MYT1L: variants seen among roughly 807,000 people sequenced by gnomAD.
The protein encoded by MYT1L is myelin transcription factor 1 like, also known as myelin transcription factor 1-like protein.
A neutral mutation model predicts 126.7 loss-of-function variants in MYT1L; 12 were observed. That is an observed-to-expected ratio of 0.09 (90% CI 0.06 to 0.15). MYT1L has a LOEUF of 0.15. Among genes scored for constraint, MYT1L ranks in the 10% least tolerant of loss-of-function variants. The pLI, the probability that MYT1L is intolerant of heterozygous loss-of-function variation, is 1.00. For missense variants in MYT1L, 979 were observed against 1,585.2 expected (o/e 0.62, Z 6.49); for synonymous variants, 541 against 604.2 (o/e 0.90, Z 1.53).
chr2:2,041,592 T>C (rs1054180185), intron 4 of MYT1L, among the ~76,000 whole-genome samples: 1 of 152,014 alleles, frequency 6.6e-6, no homozygotes, highest in African/African-American at 2.4e-5. Flanking sequence ...GGGCAGAGAG[T>C]GTTTGGAGGT....
intron 8 of MYT1L, among the ~76,000 whole-genome samples, chr2:1,956,574 T>TTCTTTCTTTCTTTCTATCTATCTA (rs1369480046): frequency 9.9e-6 from 1 of 101,518 alleles, no homozygotes; most frequent in Non-Finnish European, 1.9e-5. Context: ...ATATTTCCTA[T>TTCTTTCTTTCTTTCTATCTATCTA]TCTATCTATC....
chr2:2,181,880 T>C (rs1466378590), intron 2 of MYT1L, among the ~76,000 whole-genome samples: 1 of 152,158 alleles, frequency 6.6e-6, no homozygotes, highest in Non-Finnish European at 1.5e-5. Context: ...ACCCTGAGAA[T>C]AGGCAACCGA....
intron 3 of MYT1L, among the ~76,000 whole-genome samples, chr2:2,077,812 C>T (rs757493040): frequency 6.6e-6 from 1 of 152,118 alleles, no homozygotes; most frequent in Non-Finnish European, 1.5e-5. Context: ...TTTAGAAATA[C>T]TAAAGGGAGC....
At chr2:2,071,002 G>C (rs2074531418) in intron 3 of MYT1L, among the ~76,000 whole-genome samples, 1 of 152,188 alleles carries the variant, frequency 6.6e-6, no homozygotes, top group African/African-American at 2.4e-5. Context: ...TATCCTAGTA[G>C]CTGTGTTAAT....
intron 2 of MYT1L, among the ~76,000 whole-genome samples, chr2:2,193,949 T>G (rs1261123812): frequency 6.7e-6 from 1 of 150,326 alleles, no homozygotes; most frequent in Non-Finnish European, 1.5e-5. Context: ...TAAAATTATT[T>G]TTAATAAAAA....
At chr2:2,135,617 C>T (rs573482782) in intron 3 of MYT1L, among the ~76,000 whole-genome samples, 1 of 152,106 alleles carries the variant, frequency 6.6e-6, no homozygotes, top group African/African-American at 2.4e-5. Context: ...TATACATGAA[C>T]GAATGAACAA....
intron 1 of MYT1L, chr2:2,325,745 T>C (rs1181928031): frequency 1.3e-5 from 2 of 152,294 alleles, no homozygotes; most frequent in African/African-American, 4.8e-5. Flanking sequence ...CACAGACTCA[T>C]GTTTAACAAC....
chr2:1,793,120 G>A lies in MYT1L; in HGVS notation c.3277-656C>T, dbSNP rs2032557322. Among the ~76,000 whole-genome samples the A allele has an allele frequency of 6.6e-6, 1 of 152,164 alleles. No homozygotes were observed. Among genetic ancestry groups the A allele is most frequent in the African/African-American group, 2.4e-5 (1 of 41,434 alleles). ...TAAGTCCTCCAATGCTCATTTCTGT[G>A]TGGAGGTGTCACTGTGTCTTCAGAT... On this transcript the variant is annotated intron_variant, in intron 23 of 24. Coordinates refer to ENST00000647738, the MANE Select transcript of MYT1L (RefSeq NM_001303052.2). This position sits in a 1 kb window ranked among gnomAD's most constrained non-coding sequence, Gnocchi z 4.6.
At chr2:2,065,846 ACG>A (rs71410284) in intron 3 of MYT1L, among the ~76,000 whole-genome samples, 30 of 117,428 alleles carry the variant, frequency 2.6e-4, no homozygotes, top group South Asian at 5.3e-4. Flanking sequence ...ACACACACAC[ACG>A]CACACACACA....
chr2:2,234,423 A>C (rs2094233731), intron 2 of MYT1L, among the ~76,000 whole-genome samples: 1 of 152,232 alleles, frequency 6.6e-6, no homozygotes, highest in African/African-American at 2.4e-5. Context: ...TGCTTCAAAC[A>C]ATGCATTTAA....
intron 4 of MYT1L, among the ~76,000 whole-genome samples, chr2:2,012,480 T>A (rs749310961): frequency 6.6e-6 from 1 of 152,104 alleles, no homozygotes; most frequent in Admixed American, 6.6e-5. Flanking sequence ...GTGGGAGTGA[T>A]GGGGTTTCTT....
chr2:2,119,382 A>G (rs2080664100), intron 3 of MYT1L, among the ~76,000 whole-genome samples: 1 of 152,230 alleles, frequency 6.6e-6, no homozygotes, highest in Non-Finnish European at 1.5e-5. Context: ...ACTCATAAAT[A>G]TCTCATCTTA....
rs147469906 is a variant in MYT1L, at chr2:2,210,879, T to C, written c.-420-37891A>G. Among the ~76,000 whole-genome samples the C allele has an allele frequency of 2.6e-5, 4 of 152,318 alleles. No individual in the cohort carries two copies. The East Asian group carries it at 7.7e-4, about 29-fold the overall frequency. ...CATGAACATGGAATACCTTTCCATT[T>C]TTTTGTTTCTTCAATTTTTTTTAAA... On this transcript the variant is annotated intron_variant, in intron 2 of 24. Coordinates refer to ENST00000647738, the MANE Select transcript of MYT1L (RefSeq NM_001303052.2).
intron 3 of MYT1L, among the ~76,000 whole-genome samples, chr2:2,111,206 G>C (rs1267895643): frequency 1.3e-5 from 2 of 152,184 alleles, no homozygotes; most frequent in Non-Finnish European, 2.9e-5. Context: ...ACAGCAAAAA[G>C]ACTCTAAGCT....
At chr2:2,321,419 T>C (rs1306773780) in intron 1 of MYT1L, among the ~76,000 whole-genome samples, 7 of 152,292 alleles carry the variant, frequency 4.6e-5, no homozygotes, top group African/African-American at 1.7e-4. Flanking sequence ...GACAATGCTC[T>C]GTGCTTTCAG....
intron 18 of MYT1L, among the ~76,000 whole-genome samples, chr2:1,883,538 C>T (rs896141867): frequency 1.3e-5 from 2 of 152,198 alleles, no homozygotes; most frequent in African/African-American, 4.8e-5. Context: ...GCAGAGTTCT[C>T]ACCCCCCAAA....
At chr2:2,202,871 CA>C (rs1225676268) in intron 2 of MYT1L, among the ~76,000 whole-genome samples, 6 of 152,162 alleles carry the variant, frequency 3.9e-5, no homozygotes, top group Non-Finnish European at 8.8e-5. Flanking sequence ...CAAAAATCCT[CA>C]ATAAAATACT....
chr2:1,818,363 A>C (rs943696307), intron 21 of MYT1L, among the ~76,000 whole-genome samples: 1 of 152,232 alleles, frequency 6.6e-6, no homozygotes, highest in African/African-American at 2.4e-5. Context: ...TCAGCTCCAC[A>C]CAGCCAGGGG....
chr2:1,949,501 G>C (rs2057547780), intron 8 of MYT1L, among the ~76,000 whole-genome samples: 1 of 151,900 alleles, frequency 6.6e-6, no homozygotes, highest in African/African-American at 2.4e-5. Context: ...CCAGTTTTTT[G>C]CATCTGGTTA....
Sources: allele counts gnomAD v4.1 joint callset (sites outside exome capture counted in the v4.1 genomes callset), GRCh38; gene constraint gnomAD v4.1.1; non-coding constraint Gnocchi (gnomAD v3.1); transcripts MANE v1.5; gene names NCBI Gene and HGNC (gene_info 2026-07-23, HGNC 2026-07-21).